The following RPS23 variants were observed in gnomAD, a reference collection of about 807,000 sequenced individuals.
The protein encoded by RPS23 is ribosomal protein S23.
For missense variants in RPS23, 73 were observed against 174.5 expected, an observed-to-expected ratio of 0.42 and a Z score of 3.28; for synonymous variants, 66 against 60.4, an observed-to-expected ratio of 1.09 and a Z score of -0.43.
At position 82,275,328 on chromosome 5, in the gene RPS23, CAT is replaced by C. The variant is rs1227768861; in HGVS notation, c.*779_*780del. On this transcript the variant is annotated 3_prime_UTR_variant, in exon 4 of 4. Coordinates refer to ENST00000296674, the MANE Select transcript of RPS23 (RefSeq NM_001025.5). ...AAGTATTTGTGGACAGCAAAATCCACATGTACTCAATACCTAGCTTAAATTAT... is the reference window on the plus strand; with the variant it reads ...AAGTATTTGTGGACAGCAAAATCCACGTACTCAATACCTAGCTTAAATTAT... 7.1e-6 allele frequency: 5 copies of C among 702,504 alleles called. No individual in the cohort carries two copies. The highest frequency in any genetic ancestry group is 1.3e-5 in the Non-Finnish European group (5 of 385,018). The allele number at this position is 702,504 out of a possible 1,614,324, so 43.5% of individuals were successfully genotyped here.
rs1220287019 is a variant in RPS23 at position 82,275,707 on chromosome 5, TG to T, written c.*401del. The stretch of plus-strand genomic sequence containing the variant: ...AAGATAATCTATGTGCAATGAAATT[TG>T]GTAACTGAAGTGTTGCACCCGATAT... On this transcript the variant is annotated 3_prime_UTR_variant, in exon 4 of 4. Coordinates refer to ENST00000296674, the MANE Select transcript of RPS23 (RefSeq NM_001025.5). 3.2e-5 allele frequency: 8 copies of T among 248,360 alleles called. No homozygotes were observed. Among genetic ancestry groups the T allele is most frequent in the Non-Finnish European group, 2.3e-5 (3 of 130,956 alleles). The allele number at this position is 248,360 out of a possible 1,614,324, so 15.4% of individuals were successfully genotyped here. A position where few individuals can be genotyped will look rare whatever the true frequency, so the allele number is the denominator to read the frequency against.
rs370274110 is a variant in RPS23 at position 82,275,998 on chromosome 5, G to C, written c.*111C>G. The stretch of plus-strand genomic sequence containing the variant: ...GGTTTAGGATAAAAAAAATAAGGGG[G>C]GGTGGTGGTGGTAATGAACATGATC... On this transcript the variant is annotated 3_prime_UTR_variant, in exon 4 of 4. Coordinates refer to ENST00000296674, the MANE Select transcript of RPS23 (RefSeq NM_001025.5). 1.0e-6 allele frequency: 1 copy of C among 996,462 alleles called. No homozygotes were observed. The highest frequency in any genetic ancestry group is 1.5e-6 in the Non-Finnish European group (1 of 669,762). The allele number at this position is 996,462 out of a possible 1,614,324, so 61.7% of individuals were successfully genotyped here. A position where few individuals can be genotyped will look rare whatever the true frequency, so the allele number is the denominator to read the frequency against.
Position 82,276,531 on chromosome 5 carries a change from AG to A in RPS23, c.165-14del. On this transcript the variant is annotated splice_polypyrimidine_tract_variant and intron_variant, in intron 2 of 3. Coordinates refer to ENST00000296674, the MANE Select transcript of RPS23 (RefSeq NM_001025.5). ...GGCTTCAACTCCTCTGAAATACAAA[AG>A]GCACAGCACTGTGAGCTGGCTTTCT... 1 of 1,613,940 alleles carries A rather than the reference AG, an allele frequency of 6.2e-7. No homozygotes were observed. Among genetic ancestry groups the A allele is most frequent in the Non-Finnish European group, 8.5e-7 (1 of 1,179,878 alleles).
rs745677804 is a variant in RPS23 at position 82,275,842 on chromosome 5, GATCTATCCCATTTTCTT to G, written c.*250_*266del. ...ACTACAATACTGCACATTTATTCCA[GATCTATCCCATTTTCTT>G]ATTCCACAGGATGAGGGAAACTGTG... On this transcript the variant is annotated 3_prime_UTR_variant, in exon 4 of 4. Transcript: ENST00000296674. The G allele has an allele frequency of 1.4e-5, 6 of 435,130 alleles. No individual in the cohort carries two copies. Among genetic ancestry groups the G allele is most frequent in the Non-Finnish European group, 2.4e-5 (6 of 245,822 alleles). 27.0% of individuals were successfully genotyped at this position (435,130 alleles called of 1,614,324 possible).
chr5:82,275,815 ATAC>A lies in RPS23; in HGVS notation c.*291_*293del. 1.5e-5 allele frequency: 5 copies of A among 324,522 alleles called. No individual in the cohort carries two copies. The highest frequency in any genetic ancestry group is 2.8e-5 in the Non-Finnish European group (5 of 179,160). 20.1% of individuals were successfully genotyped at this position (324,522 alleles called of 1,614,324 possible). A position where few individuals can be genotyped will look rare whatever the true frequency, so the allele number is the denominator to read the frequency against. On this transcript the variant is annotated 3_prime_UTR_variant, in exon 4 of 4. Transcript: ENST00000296674. ...AAGTTCCCTTAAAGTTCTTAAAGTA[ATAC>A]TACAATACTGCACATTTATTCCAGA...
Position 82,278,329 on chromosome 5 carries a change from C to T in RPS23, c.-6G>A, listed in dbSNP as rs370626411. The stretch of plus-strand genomic sequence containing the variant: ...GGCCACAACAGCTCACCCATCCTGT[C>T]GGCGCCACGGGCCTGAGCGAAAGAG... On this transcript the variant is annotated 5_prime_UTR_variant, in exon 1 of 4. Transcript: ENST00000296674. 1.2e-6 allele frequency: 2 copies of T among 1,609,596 alleles called. No homozygotes were observed. The highest frequency in any genetic ancestry group is 1.3e-5 in the African/African-American group (1 of 74,830).
rs776574327 is a variant in RPS23, at chr5:82,277,486, A to T, written c.164+207T>A. 254 of 591,804 alleles carry T rather than the reference A, an allele frequency of 4.3e-4. 2 individuals carry two copies. Among genetic ancestry groups the T allele is most frequent in the Admixed American group, 1.6e-3 (52 of 33,316 alleles). The allele number at this position is 591,804 out of a possible 1,614,324, so 36.7% of individuals were successfully genotyped here. A position where few individuals can be genotyped will look rare whatever the true frequency, so the allele number is the denominator to read the frequency against. On this transcript the variant is annotated intron_variant, in intron 2 of 3. Transcript: ENST00000296674. Reference sequence around the variant, plus strand: ...ATCTTCTCCAATTCCTTCCAGGCCAACGTTAAATTAAAACCTTAACTACCT... The same window carrying T: ...ATCTTCTCCAATTCCTTCCAGGCCATCGTTAAATTAAAACCTTAACTACCT...
chr5:82,276,544 T>A (rs564685714), intron 2 of RPS23, 26 bp from the exon 3 acceptor site: 2 of 1,611,462 alleles, frequency 1.2e-6, no homozygotes, highest in Admixed American at 3.4e-5. Flanking sequence ...CACAGCACTG[T>A]GAGCTGGCTT....
rs1261021725 is a variant in RPS23 at position 82,275,389 on chromosome 5, C to G, written c.*720G>C. 7 of 695,020 alleles carry G rather than the reference C, an allele frequency of 1.0e-5. No homozygotes were observed. The East Asian group carries it at 1.9e-4, about 19-fold the overall frequency. The allele number at this position is 695,020 out of a possible 1,614,324, so 43.1% of individuals were successfully genotyped here. On this transcript the variant is annotated 3_prime_UTR_variant, in exon 4 of 4. Coordinates refer to ENST00000296674, the MANE Select transcript of RPS23 (RefSeq NM_001025.5). ...AACCAATCTTGTCTCTACACTAAAC[C>G]ACTTCATTTGCTGACTAGTCTTTGA...
rs1412998211 is a variant in RPS23 at position 82,274,167 on chromosome 5, T to C, written c.*1942A>G. 6.6e-6 allele frequency: 1 copy of C among 152,244 alleles called. No individual in the cohort carries two copies. The highest frequency in any genetic ancestry group is 2.4e-5 in the African/African-American group (1 of 41,468). 9.4% of individuals were successfully genotyped at this position (152,244 alleles called of 1,614,324 possible). A position where few individuals can be genotyped will look rare whatever the true frequency, so the allele number is the denominator to read the frequency against. ...TCCATTGGTTTTAAGATAAATCCGTTGGCCATACTTCTGAATGTCTATTTA... is the reference window on the plus strand; with the variant it reads ...TCCATTGGTTTTAAGATAAATCCGTCGGCCATACTTCTGAATGTCTATTTA... On this transcript the variant is annotated 3_prime_UTR_variant, in exon 4 of 4. Coordinates refer to ENST00000296674, the MANE Select transcript of RPS23 (RefSeq NM_001025.5).
rs1747744336 is a variant in RPS23 at position 82,275,130 on chromosome 5, A to G, written c.*979T>C. The G allele has an allele frequency of 2.2e-5, 15 of 677,550 alleles. No homozygotes were observed. The highest frequency in any genetic ancestry group is 7.1e-5 in the African/African-American group (4 of 56,376). The allele number at this position is 677,550 out of a possible 1,614,324, so 42.0% of individuals were successfully genotyped here. Reference sequence around the variant, plus strand: ...CTCTTGATCCTACGGAAAGTGGGCAACCAAACCAATTGTTTTCCAAAGATC... The same window carrying G: ...CTCTTGATCCTACGGAAAGTGGGCAGCCAAACCAATTGTTTTCCAAAGATC... On this transcript the variant is annotated 3_prime_UTR_variant, in exon 4 of 4. Coordinates refer to ENST00000296674, the MANE Select transcript of RPS23 (RefSeq NM_001025.5).
In RPS23 at chr5:82,275,601, G is replaced by A. The variant is rs1490221634; in HGVS notation, c.*508C>T. 1.0e-5 allele frequency: 4 copies of A among 384,592 alleles called. No individual in the cohort carries two copies. The highest frequency in any genetic ancestry group is 1.4e-5 in the Non-Finnish European group (3 of 215,838). The allele number at this position is 384,592 out of a possible 1,614,324, so 23.8% of individuals were successfully genotyped here. ...GACACCTTTAAATAATAAACAGAGT[G>A]GGGAGCAATTTTGAGTTTACTATTT... On this transcript the variant is annotated 3_prime_UTR_variant, in exon 4 of 4. Coordinates refer to ENST00000296674, the MANE Select transcript of RPS23 (RefSeq NM_001025.5).
In RPS23 at chr5:82,273,343, A is replaced by C. The variant is rs1747703272; in HGVS notation, c.*2766T>G. On this transcript the variant is annotated 3_prime_UTR_variant, in exon 4 of 4. Coordinates refer to ENST00000296674, the MANE Select transcript of RPS23 (RefSeq NM_001025.5). ...AGTTGTAGAAGGAAGGGCTTTATTC[A>C]GCTGGGAGCATCGGCAAGCTACAGC... 2 of 149,456 alleles carry C rather than the reference A, an allele frequency of 1.3e-5. No individual in the cohort carries two copies. Among genetic ancestry groups the C allele is most frequent in the South Asian group, 4.1e-4 (2 of 4,820 alleles). The allele number at this position is 149,456 out of a possible 1,614,324, so 9.3% of individuals were successfully genotyped here. A position where few individuals can be genotyped will look rare whatever the true frequency, so the allele number is the denominator to read the frequency against.
intron 2 of RPS23, chr5:82,277,334 G>C: frequency 3.2e-6 from 1 of 312,070 alleles, no homozygotes; most frequent in Non-Finnish European, 6.1e-6. Context: ...AATTAATTCT[G>C]ATGCAAGTCA....
chr5:82,276,553 T>C lies in RPS23; in HGVS notation c.165-35A>G. On this transcript the variant is annotated intron_variant, in intron 2 of 3. Coordinates refer to ENST00000296674, the MANE Select transcript of RPS23 (RefSeq NM_001025.5). ...AAAAGGCACAGCACTGTGAGCTGGC[T>C]TTCTGAAAAAGATTATCTTTTCATA... 3.1e-6 allele frequency: 5 copies of C among 1,610,152 alleles called. No homozygotes were observed. The Admixed American group carries it at 5.1e-5, about 16-fold the overall frequency.
chr5:82,278,060 G>T (rs1041503093), intron 1 of RPS23: 9 of 657,324 alleles, frequency 1.4e-5, no homozygotes, highest in Non-Finnish European at 2.4e-5. Flanking sequence ...GTGTTCTCCC[G>T]AAGGACGAGG....
intron 2 of RPS23, chr5:82,276,726 TA>T: frequency 1.6e-6 from 1 of 628,866 alleles, no homozygotes; most frequent in East Asian, 2.8e-5. Context: ...TTTACAGTTA[TA>T]AAAGTAGACT....
At position 82,273,970 on chromosome 5, in the gene RPS23, T is replaced by C. The variant is rs1483456796; in HGVS notation, c.*2139A>G. ...CTTTTGGTGTAATGTCTAAAAACTATACCTACGCCTAGGTTGTAAAGATAG... is the reference window on the plus strand; with the variant it reads ...CTTTTGGTGTAATGTCTAAAAACTACACCTACGCCTAGGTTGTAAAGATAG... On this transcript the variant is annotated 3_prime_UTR_variant, in exon 4 of 4. Transcript: ENST00000296674. The C allele has an allele frequency of 2.0e-5, 3 of 152,230 alleles. No homozygotes were observed. The highest frequency in any genetic ancestry group is 4.8e-5 in the African/African-American group (2 of 41,466). 9.4% of individuals were successfully genotyped at this position (152,230 alleles called of 1,614,324 possible).
rs1223208621 is a variant in RPS23, at chr5:82,275,700, T to C, written c.*409A>G. On this transcript the variant is annotated 3_prime_UTR_variant, in exon 4 of 4. Transcript: ENST00000296674. ...GGTACCTAAGATAATCTATGTGCAATGAAATTTGGTAACTGAAGTGTTGCA... is the reference window on the plus strand; with the variant it reads ...GGTACCTAAGATAATCTATGTGCAACGAAATTTGGTAACTGAAGTGTTGCA... 1.2e-5 allele frequency: 3 copies of C among 248,624 alleles called. No individual in the cohort carries two copies. The highest frequency in any genetic ancestry group is 8.8e-5 in the East Asian group (1 of 11,416). The allele number at this position is 248,624 out of a possible 1,614,324, so 15.4% of individuals were successfully genotyped here.
Sources: gnomAD v4.1 joint callset for allele counts on GRCh38, gnomAD v4.1.1 for gene constraint, MANE v1.5 for transcripts, NCBI Gene and HGNC (gene_info 2026-07-23, HGNC 2026-07-21) for gene names.